PCDHA9: variants seen among roughly 807,000 people sequenced by gnomAD.
PCDHA9 encodes the protein protocadherin alpha-9.
A neutral mutation model predicts 62.0 loss-of-function variants in PCDHA9; 62 were observed. The observed-to-expected ratio is 1.00, with a 90% CI of 0.81 to 1.23. The LOEUF (loss-of-function observed/expected upper bound fraction) is 1.23. PCDHA9 is among the 50% of genes most tolerant of loss of function. PCDHA9 has a pLI of 0.00. For synonymous variants in PCDHA9, 557 were observed against 567.6 expected (o/e 0.98, Z 0.27); for missense variants, 1,205 against 1,249.8 (o/e 0.96, Z 0.54).
intron 1 of PCDHA9, chr5:140,926,870 G>A: frequency 6.6e-7 from 1 of 1,524,514 alleles, no homozygotes; most frequent in South Asian, 1.3e-5. Context: ...CGTGTTGGTG[G>A]AACGTGGACG....
intron 1 of PCDHA9, among the ~76,000 whole-genome samples, chr5:140,945,500 T>A (rs2093799104): frequency 6.6e-6 from 1 of 152,046 alleles, no homozygotes; most frequent in South Asian, 2.1e-4. Flanking sequence ...CAAAGCAATA[T>A]TGAGCAAAGT....
chr5:140,981,685 C>T (rs369964011), intron 2 of PCDHA9, among the ~76,000 whole-genome samples: 1 of 152,048 alleles, frequency 6.6e-6, no homozygotes, highest in African/African-American at 2.4e-5. Flanking sequence ...TTCCTCCCTT[C>T]CATCATTCAT....
intron 1 of PCDHA9, chr5:140,863,620 A>G (rs2048096081): frequency 3.1e-6 from 1 of 322,758 alleles, no homozygotes; most frequent in Non-Finnish European, 6.1e-6. Context: ...CCTCATAGTG[A>G]CATTGATAAT....
rs560121926 is a variant in PCDHA9 at position 140,949,352 on chromosome 5, T to A, written c.2395-29597T>A. Among the ~76,000 whole-genome samples, 6 of 151,992 alleles carry A rather than the reference T, an allele frequency of 3.9e-5. No individual in the cohort carries two copies. The South Asian group carries it at 1.2e-3, about 31-fold the overall frequency. On this transcript the variant is annotated intron_variant, in intron 1 of 3. Transcript: ENST00000532602. Reference sequence around the variant, plus strand: ...TTGTTATCCAGATTTTCTGTGTCTTTATTTTTTTGTCTAGTTGTCCTATCA... The same window carrying A: ...TTGTTATCCAGATTTTCTGTGTCTTAATTTTTTTGTCTAGTTGTCCTATCA...
At chr5:140,957,871 G>C (rs1312915058) in intron 1 of PCDHA9, among the ~76,000 whole-genome samples, 1 of 151,864 alleles carries the variant, frequency 6.6e-6, no homozygotes, top group African/African-American at 2.4e-5. Flanking sequence ...CCTATTTTGT[G>C]CTGAAAAGCT....
chr5:140,914,207 A>G (rs1485868934), intron 1 of PCDHA9, among the ~76,000 whole-genome samples: 4 of 152,060 alleles, frequency 2.6e-5, no homozygotes, highest in African/African-American at 9.7e-5. Context: ...TGTGATCTCT[A>G]TCTCTCTTTT....
At chr5:140,957,852 AT>A (rs5871756) in intron 1 of PCDHA9, among the ~76,000 whole-genome samples, 2 of 151,658 alleles carry the variant, frequency 1.3e-5, no homozygotes, top group African/African-American at 2.4e-5. Context: ...GAGTTTGTGT[AT>A]TTTTTTTCCT....
At chr5:141,008,707 T>C (rs1255261995) in intron 3 of PCDHA9, among the ~76,000 whole-genome samples, 1 of 152,216 alleles carries the variant, frequency 6.6e-6, no homozygotes, top group Non-Finnish European at 1.5e-5. Flanking sequence ...TGGTTTCTAG[T>C]TGCTTGAGTG....
Position 140,871,064 on chromosome 5 carries a change from G to A in PCDHA9, c.2394+20175G>A, listed in dbSNP as rs369373152. The A allele has an allele frequency of 5.6e-6, 9 of 1,613,116 alleles. No individual in the cohort carries two copies. Among genetic ancestry groups the A allele is most frequent in the Middle Eastern group, 1.6e-4 (1 of 6,084 alleles). ...CTTCTAGTACTGGTGAAGGATCACG[G>A]TGAGCCGGCGCTGACGGCCACGGCC... On this transcript the variant is annotated intron_variant, in intron 1 of 3. Coordinates refer to ENST00000532602, the MANE Select transcript of PCDHA9 (RefSeq NM_031857.2).
intron 1 of PCDHA9, among the ~76,000 whole-genome samples, chr5:140,920,671 C>T (rs1218067284): frequency 2.0e-5 from 3 of 151,960 alleles, no homozygotes; most frequent in African/African-American, 7.3e-5. Flanking sequence ...TGGTGAAACC[C>T]CATCTCTACT....
chr5:140,990,621 G>A (rs75224471), intron 3 of PCDHA9, among the ~76,000 whole-genome samples: 1,861 of 152,288 alleles, frequency 0.012, 44 homozygotes, highest in African/African-American at 0.043. Context: ...GTAAAGGTCT[G>A]TGGTAAGACT....
At chr5:140,870,981 C>T (rs372420484) in intron 1 of PCDHA9, 72 of 1,613,472 alleles carry the variant, frequency 4.5e-5, no homozygotes, top group Non-Finnish European at 5.9e-5. Context: ...TGGGGCTGTA[C>T]ACGGGCGAGA....
chr5:140,967,676 G>A (rs1334899934), intron 1 of PCDHA9: 3 of 1,614,104 alleles, frequency 1.9e-6, no homozygotes, highest in African/African-American at 2.7e-5. Context: ...GTCGGACCGG[G>A]AGAGGCAGCT....
rs151053430 is a variant in PCDHA9 at position 140,849,630 on chromosome 5, G to T, written c.1135G>T (p.Ala379Ser). Reference sequence around the variant, plus strand: ...CCTGATTAGTGTGATCGACCTAGACGCAGATGCCAACGGGCAGGTTACCTG... The same window carrying T: ...CCTGATTAGTGTGATCGACCTAGACTCAGATGCCAACGGGCAGGTTACCTG... ...IALISVIDLD[A>S]DANGQVTCSL... is the part of the protein sequence containing the mutation. Residue 379 changes from alanine (A) to serine (S), a missense_variant, in exon 1 of 4, where the codon GCA (alanine) becomes TCA (serine). Physicochemically the swap from Ala to Ser is moderately conservative, Grantham distance 99 (BLOSUM62 1). This residue lies in a region of PCDHA9 where 887 missense variants were observed against 809.5 expected (regional missense o/e 1.10). Transcript: ENST00000532602. 6.9e-4 allele frequency: 1,103 copies of T among 1,598,686 alleles called. 107 individuals are homozygous for T. Among genetic ancestry groups the T allele is most frequent in the South Asian group, 1.2e-3 (106 of 90,556 alleles).
rs562721543 is a variant in PCDHA9, at chr5:140,968,426, A to G, written c.2395-10523A>G. ...CTTTGTGACTGTGGAGGCTCAGGAC[A>G]AGGGGAGCCCACCACTGAGCAGCAC... On this transcript the variant is annotated intron_variant, in intron 1 of 3. Transcript: ENST00000532602. 135 of 1,614,020 alleles carry G rather than the reference A, an allele frequency of 8.4e-5. 2 individuals carry two copies. In the South Asian group the frequency reaches 1.4e-3, roughly 16 times the overall value.
At position 140,884,053 on chromosome 5, in the gene PCDHA9, C is replaced by A. The variant is rs782043806; in HGVS notation, c.2394+33164C>A. The stretch of plus-strand genomic sequence containing the variant: ...CAGGCCACGTGGTGGCGAAGGTGCG[C>A]GCGGTGGACGCCGATTCGGGCTACA... On this transcript the variant is annotated intron_variant, in intron 1 of 3. Transcript: ENST00000532602. 10 of 1,613,378 alleles carry A rather than the reference C, an allele frequency of 6.2e-6. No homozygotes were observed. The Admixed American group carries it at 1.2e-4, about 19-fold the overall frequency.
chr5:140,913,219 C>A (rs2076256091), intron 1 of PCDHA9, among the ~76,000 whole-genome samples: 2 of 152,122 alleles, frequency 1.3e-5, no homozygotes, highest in Non-Finnish European at 2.9e-5. Context: ...GGGTCCCAGG[C>A]TTTACTTTGC....
chr5:140,849,503 T>A lies in PCDHA9; in HGVS notation c.1008T>A (p.Leu336=), dbSNP rs2150439338. The A allele has an allele frequency of 1.9e-6, 3 of 1,596,058 alleles. No homozygotes were observed. In the East Asian group the frequency reaches 6.7e-5, roughly 36 times the overall value. Residue 336 remains leucine (L), a synonymous_variant, in exon 1 of 4, where the codon CTT becomes CTA. Transcript: ENST00000532602. ...CACCCCTGGCTGGTCATTGTACACT[T>A]CTTGTGGAAGTTGTGGATGTAAATG... ...GFPPLAGHCT[L]LVEVVDVNDN...
intron 1 of PCDHA9, chr5:140,928,717 T>C: frequency 6.2e-7 from 1 of 1,614,208 alleles, no homozygotes; most frequent in Non-Finnish European, 8.5e-7. Context: ...CTCTAGTCTC[T>C]TTAGAATTTC....
Sources: gnomAD v4.1 joint callset for allele counts (sites outside exome capture counted in the v4.1 genomes callset) on GRCh38, gnomAD v4.1.1 for gene constraint, gnomAD v4.1.1 regional missense constraint, MANE v1.5 for transcripts, NCBI Gene and HGNC (gene_info 2026-07-23, HGNC 2026-07-21) for gene names.